The following NAV1 variants were observed in gnomAD, a reference collection of about 807,000 sequenced individuals.
NAV1 encodes the protein pore membrane and/or filament interacting like protein 3.
Under a neutral mutation model 175.2 loss-of-function variants are expected in NAV1, and 18 were observed. That is an observed-to-expected ratio of 0.10 (90% CI 0.07 to 0.15). NAV1 has a LOEUF of 0.15. NAV1 is among the 10% of genes least tolerant of loss of function. The probability of loss-of-function intolerance (pLI) is 1.00; values close to 1 mark genes in which losing one functional copy is unlikely to be tolerated. For missense variants in NAV1, 1,731 were observed against 2,436.6 expected, an observed-to-expected ratio of 0.71 and a Z score of 6.10; for synonymous variants, 897 against 978.7, an observed-to-expected ratio of 0.92 and a Z score of 1.56.
At chr1:201,655,461 A>AG (rs980435377) in intron 1 of NAV1, among the ~76,000 whole-genome samples, 5 of 151,908 alleles carry the variant, frequency 3.3e-5, no homozygotes, top group South Asian at 2.1e-4. Context: ...GTGGGGAGGT[A>AG]GGGGGGGCCA....
intron 1 of NAV1, among the ~76,000 whole-genome samples, chr1:201,666,454 C>T (rs753063353): frequency 2.6e-5 from 4 of 152,066 alleles, no homozygotes; most frequent in Non-Finnish European, 4.4e-5. Context: ...TTTATGAGGG[C>T]GGTCGAGCAA....
intron 1 of NAV1, among the ~76,000 whole-genome samples, chr1:201,683,601 C>T (rs980375487): frequency 6.6e-6 from 1 of 152,106 alleles, no homozygotes; most frequent in East Asian, 1.9e-4. Flanking sequence ...TCCTGCTGTG[C>T]GGCTAGGGTT....
At chr1:201,594,447 G>C (rs1667295312) in intron 2 of NAV1, among the ~76,000 whole-genome samples, 1 of 152,200 alleles carries the variant, frequency 6.6e-6, no homozygotes, top group Non-Finnish European at 1.5e-5. Flanking sequence ...AGCTTGAAGA[G>C]AGCCCTGTAA....
chr1:201,758,174 A>G (rs1359439973), intron 3 of NAV1, among the ~76,000 whole-genome samples: 1 of 152,258 alleles, frequency 6.6e-6, no homozygotes, highest in Non-Finnish European at 1.5e-5. Context: ...TAAAGAGGAA[A>G]GATGCTAGAA....
chr1:201,759,955 T>C (rs1674738400), intron 3 of NAV1, among the ~76,000 whole-genome samples: 2 of 152,338 alleles, frequency 1.3e-5, no homozygotes, highest in Non-Finnish European at 2.9e-5. Flanking sequence ...TATTGTTCTT[T>C]GTGGACAAGT....
intron 1 of NAV1, among the ~76,000 whole-genome samples, chr1:201,563,026 G>C (rs1001544024): frequency 6.6e-6 from 1 of 152,214 alleles, no homozygotes; most frequent in Non-Finnish European, 1.5e-5. Context: ...GCCAGAGTGG[G>C]TGGTTATGAG....
chr1:201,778,042 C>T (rs1021868195), intron 3 of NAV1, among the ~76,000 whole-genome samples: 3 of 152,102 alleles, frequency 2.0e-5, no homozygotes, highest in African/African-American at 7.2e-5. Context: ...CAGAATTTTC[C>T]TTTTCTTCAG....
chr1:201,617,198 ATCTCTCTGTC>A (rs1021112364), intron 2 of NAV1, among the ~76,000 whole-genome samples: 3 of 118,962 alleles, frequency 2.5e-5, no homozygotes, highest in South Asian at 2.9e-4. Context: ...AGATTCCCCA[ATCTCTCTGTC>A]TCTCTCTCTC....
exon 1 of NAV1, chr1:201,648,374 T>C (rs1241731340): frequency 4.1e-6 from 5 of 1,221,446 alleles, no homozygotes; most frequent in Non-Finnish European, 1.0e-6. Flanking sequence ...TTTTAATTTG[T>C]ATTTTCCCCG....
At chr1:201,743,074 T>G (rs1442802075) in intron 3 of NAV1, among the ~76,000 whole-genome samples, 1 of 152,204 alleles carries the variant, frequency 6.6e-6, no homozygotes, top group Non-Finnish European at 1.5e-5. Flanking sequence ...GTATATATTA[T>G]TATCATCCCA....
At chr1:201,665,217 A>C (rs1462977913) in intron 1 of NAV1, among the ~76,000 whole-genome samples, 1 of 148,338 alleles carries the variant, frequency 6.7e-6, no homozygotes, top group Non-Finnish European at 1.5e-5. Context: ...TGTGCTCAGG[A>C]AATCCTCCAG....
chr1:201,620,817 T>C (rs1168923408), upstream of NAV1, among the ~76,000 whole-genome samples: 1 of 152,172 alleles, frequency 6.6e-6, no homozygotes, highest in Non-Finnish European at 1.5e-5. Context: ...TTTTCTGCGA[T>C]ATAGTACATT....
chr1:201,780,641 C>T (rs142392905), intron 4 of NAV1, 82 bp downstream of exon 8: 44 of 1,554,556 alleles, frequency 2.8e-5, no homozygotes, highest in African/African-American at 5.4e-5. Context: ...TGGGGTTGCA[C>T]GTACACACCC....
chr1:201,752,180 A>C (rs1045688688), intron 3 of NAV1, among the ~76,000 whole-genome samples: 1 of 152,034 alleles, frequency 6.6e-6, no homozygotes, highest in Non-Finnish European at 1.5e-5. Context: ...GAAGGCGGTT[A>C]ATTCTGAAAT....
In NAV1 at chr1:201,698,759, G is replaced by A. The variant is rs116974723; in HGVS notation, c.758-14058G>A. Among the ~76,000 whole-genome samples the A allele has an allele frequency of 4.3e-4, 65 of 152,332 alleles. 1 individual carries two copies. The East Asian group carries it at 0.011, about 26-fold the overall frequency. Reference sequence around the variant, plus strand: ...GTTCTGCGAAAGGAAGTGATGTCAGGGATTTAGGGACAGGCCTGGGGGTGG... The same window carrying A: ...GTTCTGCGAAAGGAAGTGATGTCAGAGATTTAGGGACAGGCCTGGGGGTGG... On this transcript the variant is annotated intron_variant, in intron 1 of 29. Coordinates refer to ENST00000367296, the Ensembl canonical transcript of NAV1.
chr1:201,554,141 A>G lies in NAV1; in HGVS notation c.-144+14799A>G, dbSNP rs557496722. 5.3e-5 allele frequency among the ~76,000 whole-genome samples: 8 copies of G among 152,262 alleles called. No individual in the cohort carries two copies. In the East Asian group the frequency reaches 1.4e-3, roughly 26 times the overall value. ...GCTGGGAAGTTCAGATCATTTGTAG[A>G]GGGGCCCCTGGTTTCCCCATAAGAC... On this transcript the variant is annotated intron_variant, in intron 1 of 33. Coordinates refer to the NAV1 transcript ENST00000685211.
chr1:201,597,580 C>A (rs1221128994), intron 2 of NAV1, among the ~76,000 whole-genome samples: 1 of 152,144 alleles, frequency 6.6e-6, no homozygotes. Context: ...CTCCACCGGG[C>A]TGAGGGCCAA....
upstream of NAV1, among the ~76,000 whole-genome samples, chr1:201,646,477 C>G (rs1388616440): frequency 6.6e-6 from 1 of 152,164 alleles, no homozygotes; most frequent in Non-Finnish European, 1.5e-5. Flanking sequence ...CTTGTATTGT[C>G]TACCTTGTAT....
intron 1 of NAV1, among the ~76,000 whole-genome samples, chr1:201,700,904 G>A (rs1310833283): frequency 3.8e-4 from 56 of 148,648 alleles, no homozygotes; most frequent in Admixed American, 1.6e-3. Context: ...CCAGCTACTC[G>A]GGAGGCTGAG....
Sources: gnomAD v4.1 joint callset for allele counts (sites outside exome capture counted in the v4.1 genomes callset) on GRCh38, gnomAD v4.1.1 for gene constraint, MANE v1.5 for transcripts, NCBI Gene and HGNC (gene_info 2026-07-23, HGNC 2026-07-21) for gene names.